Variants in PDE4B observed in about 807,000 individuals in gnomAD.
The protein encoded by PDE4B is 3',5'-cyclic-AMP phosphodiesterase 4B.
A neutral mutation model predicts 82.2 loss-of-function variants in PDE4B; 20 were observed. The ratio of observed to expected loss-of-function variants is 0.24; its 90% CI spans 0.17 to 0.35. The LOEUF is 0.35. Ranked by LOEUF, PDE4B falls within the 10% of genes least tolerant of loss-of-function variation. PDE4B has a pLI of 1.00. For synonymous variants in PDE4B, 320 were observed against 318.9 expected, an observed-to-expected ratio of 1.00 and a Z score of -0.04; for missense variants, 655 against 907.2, an observed-to-expected ratio of 0.72 and a Z score of 3.57.
At chr1:65,917,992 C>T (rs751508457) in intron 2 of PDE4B, among the ~76,000 whole-genome samples, 14 of 152,130 alleles carry the variant, frequency 9.2e-5, no homozygotes, top group African/African-American at 1.2e-4. Context: ...GGCGAAACCC[C>T]GTCCCTACTA....
chr1:66,311,754 G>C (rs151097582), intron 7 of PDE4B, among the ~76,000 whole-genome samples: 1 of 152,198 alleles, frequency 6.6e-6, no homozygotes, highest in African/African-American at 2.4e-5. Flanking sequence ...TTTCCCTCAT[G>C]ACACACATTT....
intron 1 of PDE4B, among the ~76,000 whole-genome samples, chr1:65,836,261 T>C (rs1344072086): frequency 6.6e-6 from 1 of 152,202 alleles, no homozygotes; most frequent in African/African-American, 2.4e-5. Flanking sequence ...CTGCTCTCTT[T>C]AGATGGGTCA....
chr1:65,814,632 A>G (rs1300468971), intron 1 of PDE4B, among the ~76,000 whole-genome samples: 1 of 152,130 alleles, frequency 6.6e-6, no homozygotes. Flanking sequence ...CCTTTGGCAA[A>G]CACTGATCTG....
chr1:66,053,822 G>A (rs551680868), intron 3 of PDE4B, among the ~76,000 whole-genome samples: 28 of 152,110 alleles, frequency 1.8e-4, no homozygotes, highest in Non-Finnish European at 4.1e-4. Flanking sequence ...TCGTGCCACT[G>A]CACTCCAGCC....
intron 3 of PDE4B, among the ~76,000 whole-genome samples, chr1:66,099,123 T>C (rs1266524247): frequency 6.6e-6 from 1 of 152,142 alleles, no homozygotes; most frequent in African/African-American, 2.4e-5. Context: ...TATCAACTCA[T>C]CACCTAGGTA....
chr1:66,145,725 G>T (rs928412633), intron 3 of PDE4B, among the ~76,000 whole-genome samples: 1 of 152,134 alleles, frequency 6.6e-6, no homozygotes, highest in Non-Finnish European at 1.5e-5. Context: ...TGCCTTAATT[G>T]CTTGTCCTTT....
chr1:66,156,262 TC>T (rs1646499155), intron 3 of PDE4B, among the ~76,000 whole-genome samples: 1 of 152,136 alleles, frequency 6.6e-6, no homozygotes, highest in South Asian at 2.1e-4. Context: ...CCTTTTTCGG[TC>T]TCAATAGCTA....
At chr1:66,363,118 G>A (rs1662939391) in intron 10 of PDE4B, 50 bp from the exon 11 acceptor site, 1 of 1,286,878 alleles carries the variant, frequency 7.8e-7, no homozygotes. Flanking sequence ...AATGAGGCAT[G>A]TTAGCACAAC....
intron 3 of PDE4B, among the ~76,000 whole-genome samples, chr1:66,180,628 C>A (rs190930234): frequency 9.9e-5 from 15 of 152,148 alleles, no homozygotes; most frequent in Non-Finnish European, 1.9e-4. Context: ...GTGGAATACT[C>A]CAGGGTAGGT....
chr1:66,366,122 G>A (rs981218923), intron 13 of PDE4B, among the ~76,000 whole-genome samples: 1 of 152,112 alleles, frequency 6.6e-6, no homozygotes, highest in African/African-American at 2.4e-5. Context: ...CTCGCACAGA[G>A]CATAGTAACT....
chr1:66,351,267 A>G (rs1019222775), intron 8 of PDE4B, among the ~76,000 whole-genome samples: 3 of 152,342 alleles, frequency 2.0e-5, no homozygotes, highest in African/African-American at 7.2e-5. Context: ...ATTCTTAGGG[A>G]AAATAGTATC....
chr1:66,033,130 A>G (rs531328548), intron 3 of PDE4B, among the ~76,000 whole-genome samples: 2 of 152,306 alleles, frequency 1.3e-5, no homozygotes, highest in African/African-American at 4.8e-5. Flanking sequence ...AATAACAGAA[A>G]AAAAGAAATA....
intron 3 of PDE4B, among the ~76,000 whole-genome samples, chr1:66,046,431 T>C (rs1037426188): frequency 2.0e-5 from 3 of 151,824 alleles, no homozygotes; most frequent in Admixed American, 1.3e-4. Context: ...TCAGTATTTC[T>C]TCAGTTCAAC....
intron 3 of PDE4B, among the ~76,000 whole-genome samples, chr1:66,180,165 T>C (rs1033884581): frequency 6.6e-6 from 1 of 152,180 alleles, no homozygotes; most frequent in African/African-American, 2.4e-5. Flanking sequence ...AACGAATACA[T>C]GTATTGCAAT....
intron 1 of PDE4B, among the ~76,000 whole-genome samples, chr1:65,841,810 A>G (rs575732913): frequency 2.0e-5 from 3 of 152,292 alleles, no homozygotes; most frequent in Admixed American, 1.3e-4. Context: ...GCAACAAACC[A>G]TCAACATGTT....
At chr1:66,080,073 G>C (rs948052115) in intron 3 of PDE4B, among the ~76,000 whole-genome samples, 2 of 152,130 alleles carry the variant, frequency 1.3e-5, no homozygotes, top group Admixed American at 1.3e-4. Context: ...CTCTAACTCT[G>C]TAAGAGAGGC....
At chr1:66,257,890 T>A in intron 6 of PDE4B, 27 bp downstream of exon 6, 1 of 1,547,762 alleles carries the variant, frequency 6.5e-7, no homozygotes, top group East Asian at 2.2e-5. Context: ...TTGTGGAGTT[T>A]GAATCCCTAA....
intron 3 of PDE4B, among the ~76,000 whole-genome samples, chr1:66,052,490 C>G (rs1655086294): frequency 6.6e-6 from 1 of 151,866 alleles, no homozygotes; most frequent in Non-Finnish European, 1.5e-5. Context: ...TCTTTCAAGG[C>G]CATGCCAGGG....
chr1:65,961,396 T>C (rs991887521), intron 3 of PDE4B, among the ~76,000 whole-genome samples: 1 of 152,104 alleles, frequency 6.6e-6, no homozygotes, highest in Non-Finnish European at 1.5e-5. Context: ...ACCATACAAA[T>C]TATTGGGTTT....
Sources: allele counts gnomAD v4.1 joint callset (sites outside exome capture counted in the v4.1 genomes callset), GRCh38; gene constraint gnomAD v4.1.1; transcripts MANE v1.5; gene names NCBI Gene and HGNC (gene_info 2026-07-23, HGNC 2026-07-21).